Variants in SEMA3A observed in about 807,000 individuals in gnomAD.
SEMA3A encodes the protein semaphorin-3A.
Under a neutral mutation model 97.9 loss-of-function variants are expected in SEMA3A, and 29 were observed. The ratio of observed to expected loss-of-function variants is 0.30; its 90% CI spans 0.22 to 0.40. SEMA3A has a LOEUF of 0.40. SEMA3A is among the 10% of genes least tolerant of loss of function. The pLI is 1.00. For synonymous variants in SEMA3A, 321 were observed against 323.7 expected (o/e 0.99, Z 0.09); for missense variants, 763 against 951.3 (o/e 0.80, Z 2.60).
chr7:84,445,591 A>T (rs1805394693), intron 1 of SEMA3A, among the ~76,000 whole-genome samples: 1 of 151,022 alleles, frequency 6.6e-6, no homozygotes, highest in South Asian at 2.1e-4. Context: ...TCACAAACTT[A>T]TGGAAATTAA....
chr7:84,144,473 CAT>C (rs1040860169), intron 1 of SEMA3A, among the ~76,000 whole-genome samples: 3 of 151,948 alleles, frequency 2.0e-5, no homozygotes, highest in Non-Finnish European at 4.4e-5. Context: ...GGAAATAAAA[CAT>C]AAAAATAGAT....
chr7:84,007,845 A>C (rs1349078647), intron 9 of SEMA3A, among the ~76,000 whole-genome samples: 6 of 152,176 alleles, frequency 3.9e-5, no homozygotes, highest in African/African-American at 1.4e-4. Flanking sequence ...AATTTTTTAA[A>C]ATGTTGGTTA....
At chr7:84,057,244 G>A (rs1583888603) in intron 5 of SEMA3A, among the ~76,000 whole-genome samples, 2 of 152,190 alleles carry the variant, frequency 1.3e-5, no homozygotes, top group East Asian at 3.9e-4. Context: ...GTGCTGCATT[G>A]CCTGGAAAAG....
At position 83,984,812 on chromosome 7, in the gene SEMA3A, C is replaced by T. The variant is rs564053975; in HGVS notation, c.1494+624G>A. Among the ~76,000 whole-genome samples the T allele has an allele frequency of 2.4e-4, 36 of 151,886 alleles. No individual in the cohort carries two copies. The South Asian group carries it at 7.3e-3, about 31-fold the overall frequency. ...AATGGAAAGACTATTAACATGCTGCCCTTAACCTTTGAATTCATGAAGTTT... is the reference window on the plus strand; with the variant it reads ...AATGGAAAGACTATTAACATGCTGCTCTTAACCTTTGAATTCATGAAGTTT... On this transcript the variant is annotated intron_variant, in intron 13 of 16. Transcript: ENST00000265362.
chr7:84,206,574 G>A (rs1029807056), intron 3 of SEMA3A, among the ~76,000 whole-genome samples: 4 of 151,918 alleles, frequency 2.6e-5, no homozygotes, highest in African/African-American at 7.2e-5. Flanking sequence ...CGCCCGCCTC[G>A]GCCTCCCAAA....
intron 1 of SEMA3A, among the ~76,000 whole-genome samples, chr7:84,438,415 T>A (rs1029684035): frequency 2.6e-5 from 4 of 152,098 alleles, no homozygotes; most frequent in African/African-American, 9.7e-5. Context: ...TACAATGGAA[T>A]CCATAGAAGA....
intron 3 of SEMA3A, among the ~76,000 whole-genome samples, chr7:84,291,878 G>A (rs890330494): frequency 2.0e-5 from 3 of 152,074 alleles, no homozygotes; most frequent in African/African-American, 7.2e-5. Flanking sequence ...TGGTGCAAGT[G>A]CTAAAGAAAT....
chr7:84,011,127 T>C (rs556809249), intron 8 of SEMA3A, 36 bp from the exon 9 acceptor site: 1 of 1,605,848 alleles, frequency 6.2e-7, no homozygotes, highest in South Asian at 1.1e-5. Flanking sequence ...GTTGCTTTTT[T>C]ATGGAATGGC....
At chr7:84,024,923 A>G (rs1169148962) in intron 6 of SEMA3A, among the ~76,000 whole-genome samples, 1 of 152,084 alleles carries the variant, frequency 6.6e-6, no homozygotes, top group Admixed American at 6.6e-5. Flanking sequence ...CCCCGTCTCT[A>G]CTAAAACACA....
chr7:84,062,907 G>C lies in SEMA3A; in HGVS notation c.454-2349C>G, dbSNP rs1361503929. Among the ~76,000 whole-genome samples, 3 of 152,054 alleles carry C rather than the reference G, an allele frequency of 2.0e-5. No individual in the cohort carries two copies. The East Asian group carries it at 5.9e-4, about 30-fold the overall frequency. On this transcript the variant is annotated intron_variant, in intron 4 of 16. Coordinates refer to ENST00000265362, the MANE Select transcript of SEMA3A (RefSeq NM_006080.3). ...AGCAGCCTGGAAGCTCCAACTGGGT[G>C]GAGCCCACCACAGCTCAAGGAGGCC...
rs549698919 is a variant in SEMA3A, at chr7:84,055,473, G to A, written c.547+4992C>T. Among the ~76,000 whole-genome samples, 29 of 152,138 alleles carry A rather than the reference G, an allele frequency of 1.9e-4. 1 individual carries two copies. The South Asian group carries it at 5.2e-3, about 27-fold the overall frequency. On this transcript the variant is annotated intron_variant, in intron 5 of 16. Transcript: ENST00000265362. The stretch of plus-strand genomic sequence containing the variant: ...GTGGGAGTGACCCGATTTTCCAGGT[G>A]CCATCCGTCACCCCTTTCTTTGACT...
chr7:84,381,433 G>C (rs1440848240), intron 1 of SEMA3A, among the ~76,000 whole-genome samples: 2 of 152,072 alleles, frequency 1.3e-5, no homozygotes, highest in Non-Finnish European at 2.9e-5. Flanking sequence ...CTCTTGTTTT[G>C]TCCCCAGTCA....
chr7:83,994,533 C>T (rs1790116905), intron 12 of SEMA3A, among the ~76,000 whole-genome samples: 1 of 134,010 alleles, frequency 7.5e-6, no homozygotes, highest in Non-Finnish European at 1.6e-5. Flanking sequence ...TTCCTTCTAA[C>T]AGACAGGACC....
At chr7:84,408,715 A>T (rs1282023778) in intron 1 of SEMA3A, among the ~76,000 whole-genome samples, 1 of 47,416 alleles carries the variant, frequency 2.1e-5, no homozygotes. Context: ...ATGCAGCCAT[A>T]AAAAAATGAT....
At chr7:84,400,803 C>T (rs900417793) in intron 1 of SEMA3A, among the ~76,000 whole-genome samples, 7 of 152,158 alleles carry the variant, frequency 4.6e-5, no homozygotes, top group Admixed American at 2.0e-4. Context: ...GCCACAAAAG[C>T]ATTCAATAAC....
intron 2 of SEMA3A, among the ~76,000 whole-genome samples, chr7:84,357,615 T>C (rs1023832107): frequency 1.5e-4 from 23 of 152,126 alleles, no homozygotes; most frequent in Non-Finnish European, 2.8e-4. Flanking sequence ...TGTGTCTTTA[T>C]AGCAGCATGA....
chr7:84,271,350 A>T (rs191453701), intron 3 of SEMA3A, among the ~76,000 whole-genome samples: 1 of 152,038 alleles, frequency 6.6e-6, no homozygotes, highest in African/African-American at 2.4e-5. Context: ...ACTACACCCA[A>T]CTTGAAGTGT....
intron 1 of SEMA3A, among the ~76,000 whole-genome samples, chr7:84,424,802 A>G (rs1191789998): frequency 2.0e-5 from 2 of 101,522 alleles, no homozygotes; most frequent in Non-Finnish European, 3.4e-5. Context: ...AATAATTTAT[A>G]CAAATATACA....
chr7:84,363,061 C>G (rs1203831681), intron 2 of SEMA3A, among the ~76,000 whole-genome samples: 1 of 152,070 alleles, frequency 6.6e-6, no homozygotes, highest in East Asian at 1.9e-4. Flanking sequence ...TGATCCAGAT[C>G]ACCATCCTGC....
Sources: allele counts gnomAD v4.1 joint callset (sites outside exome capture counted in the v4.1 genomes callset), GRCh38; gene constraint gnomAD v4.1.1; transcripts MANE v1.5; gene names NCBI Gene and HGNC (gene_info 2026-07-23, HGNC 2026-07-21).